MGAT4C: variants seen among roughly 807,000 people sequenced by gnomAD.
MGAT4C encodes the protein alpha-1,3-mannosyl-glycoprotein 4-beta-N-acetylglucosaminyltransferase C.
MGAT4C carries 19 observed loss-of-function variants against 40.1 expected under a neutral mutation model. That is an observed-to-expected ratio of 0.47 (90% confidence interval 0.33 to 0.70). The LOEUF (loss-of-function observed/expected upper bound fraction) is 0.70. Ranked by LOEUF, MGAT4C falls within the 30% of genes least tolerant of loss-of-function variation. The pLI is 0.02. For synonymous variants in MGAT4C, 181 were observed against 187.1 expected (o/e 0.97, Z 0.27); for missense variants, 491 against 563.2 (o/e 0.87, Z 1.30).
intron 3 of MGAT4C, among the ~76,000 whole-genome samples, chr12:86,376,565 C>A (rs570757993): frequency 2.2e-4 from 34 of 151,954 alleles, no homozygotes; most frequent in Non-Finnish European, 3.1e-4. Context: ...ATGGGAGAGG[C>A]TTTATTATTT....
chr12:86,467,704 C>G (rs978025218), intron 2 of MGAT4C, among the ~76,000 whole-genome samples: 4 of 152,032 alleles, frequency 2.6e-5, no homozygotes, highest in African/African-American at 9.7e-5. Flanking sequence ...ATCCTTTTTA[C>G]TCTGTTTAAA....
chr12:86,543,429 A>T (rs975847695), intron 2 of MGAT4C, among the ~76,000 whole-genome samples: 5 of 151,908 alleles, frequency 3.3e-5, no homozygotes, highest in African/African-American at 9.7e-5. Context: ...ATAAAAATTT[A>T]AAAAATTCCT....
intron 1 of MGAT4C, among the ~76,000 whole-genome samples, chr12:86,148,944 CT>C (rs1302072803): frequency 6.6e-6 from 1 of 152,100 alleles, no homozygotes; most frequent in Non-Finnish European, 1.5e-5. Flanking sequence ...CTGTGCCCCC[CT>C]ATTCATTTTA....
At chr12:86,723,869 A>C (rs1441291285) in intron 2 of MGAT4C, among the ~76,000 whole-genome samples, 1 of 152,202 alleles carries the variant, frequency 6.6e-6, no homozygotes, top group Non-Finnish European at 1.5e-5. Context: ...ACTGCCTTAA[A>C]TTTCATTGGT....
chr12:86,451,170 G>C (rs1957420267), intron 2 of MGAT4C, among the ~76,000 whole-genome samples: 2 of 152,066 alleles, frequency 1.3e-5, no homozygotes, highest in Non-Finnish European at 2.9e-5. Context: ...TGTTGGTACT[G>C]TCATCATGAT....
At chr12:86,199,711 C>A (rs955534297) in intron 1 of MGAT4C, among the ~76,000 whole-genome samples, 1 of 151,924 alleles carries the variant, frequency 6.6e-6, no homozygotes, top group East Asian at 1.9e-4. Context: ...ATGTAAAATG[C>A]TTAGTGAAGT....
At position 86,379,033 on chromosome 12, in the gene MGAT4C, T is replaced by C. The variant is rs1285302024; in HGVS notation, c.-119-44906A>G. Among the ~76,000 whole-genome samples the C allele has an allele frequency of 6.6e-5, 10 of 152,244 alleles. No individual in the cohort carries two copies. In the South Asian group the frequency reaches 1.0e-3, roughly 16 times the overall value. On this transcript the variant is annotated intron_variant, in intron 3 of 7. Coordinates refer to the MGAT4C transcript ENST00000548651. Reference sequence around the variant, plus strand: ...TGTATATCTAAACATCATATTGTATTCCATAAATATATACAATAATTATTT... The same window carrying C: ...TGTATATCTAAACATCATATTGTATCCCATAAATATATACAATAATTATTT...
At chr12:86,460,041 A>T (rs1010206745) in intron 2 of MGAT4C, among the ~76,000 whole-genome samples, 6 of 152,024 alleles carry the variant, frequency 3.9e-5, no homozygotes, top group Admixed American at 2.0e-4. Context: ...TTTGTAACGC[A>T]AGTTCTTCAA....
At position 86,210,873 on chromosome 12, in the gene MGAT4C, T is replaced by C. The variant is rs1168016993; in HGVS notation, c.-57+45366A>G. 6.6e-5 allele frequency among the ~76,000 whole-genome samples: 10 copies of C among 152,102 alleles called. 1 individual carries two copies. Among genetic ancestry groups the C allele is most frequent in the African/African-American group, 2.4e-4 (10 of 41,416 alleles). ...ATTTGACAGATAGTTGATAACAGATTTCAGATCTTTGCTAGGCACTGGGGA... is the reference window on the plus strand; with the variant it reads ...ATTTGACAGATAGTTGATAACAGATCTCAGATCTTTGCTAGGCACTGGGGA... On this transcript the variant is annotated intron_variant, in intron 1 of 4. Coordinates refer to ENST00000611864, the MANE Select transcript of MGAT4C (RefSeq NM_001351288.2).
chr12:86,391,425 A>G (rs1270539238), intron 3 of MGAT4C, among the ~76,000 whole-genome samples: 1 of 150,888 alleles, frequency 6.6e-6, no homozygotes, highest in Non-Finnish European at 1.5e-5. Flanking sequence ...ACAAATATAC[A>G]TTTAAATATA....
intron 1 of MGAT4C, among the ~76,000 whole-genome samples, chr12:86,087,872 A>G (rs1336283665): frequency 1.3e-5 from 2 of 152,074 alleles, no homozygotes; most frequent in African/African-American, 4.8e-5. Context: ...AAAAATAGAA[A>G]AAAAAACTAT....
At chr12:86,502,078 C>A (rs868192229) in intron 2 of MGAT4C, among the ~76,000 whole-genome samples, 1 of 151,984 alleles carries the variant, frequency 6.6e-6, no homozygotes, top group African/African-American at 2.4e-5. Context: ...CATAATTCAA[C>A]AAGATGTCCT....
chr12:86,261,352 T>C (rs183999352), upstream of MGAT4C, among the ~76,000 whole-genome samples: 3 of 152,228 alleles, frequency 2.0e-5, no homozygotes, highest in Admixed American at 1.3e-4. Flanking sequence ...TGACTCATAC[T>C]TCAGTTTCAA....
At chr12:86,615,553 T>A (rs1962421901) in intron 2 of MGAT4C, among the ~76,000 whole-genome samples, 1 of 152,074 alleles carries the variant, frequency 6.6e-6, no homozygotes, top group Non-Finnish European at 1.5e-5. Context: ...AACAGTTTGA[T>A]ATGCTTGAGT....
intron 3 of MGAT4C, among the ~76,000 whole-genome samples, chr12:86,408,960 T>C (rs1956546783): frequency 1.3e-5 from 2 of 152,160 alleles, no homozygotes; most frequent in Admixed American, 6.6e-5. Flanking sequence ...AAAAATTTTC[T>C]AGACATTTTC....
intron 2 of MGAT4C, among the ~76,000 whole-genome samples, chr12:86,440,309 C>T (rs1252987915): frequency 2.6e-5 from 4 of 152,012 alleles, no homozygotes; most frequent in Non-Finnish European, 1.5e-5. Context: ...TCCAGGGATA[C>T]AGGGATGATT....
chr12:86,282,653 T>C (rs1953249366), intron 4 of MGAT4C, among the ~76,000 whole-genome samples: 1 of 152,114 alleles, frequency 6.6e-6, no homozygotes, highest in South Asian at 2.1e-4. Context: ...TTGTTCAGTA[T>C]CTAATTAACT....
At chr12:86,125,513 C>T (rs1880084989) in intron 1 of MGAT4C, among the ~76,000 whole-genome samples, 1 of 152,058 alleles carries the variant, frequency 6.6e-6, no homozygotes, top group African/African-American at 2.4e-5. Flanking sequence ...CATCTCAAGA[C>T]ATCAGATGAC....
At chr12:86,617,287 G>C (rs978393364) in intron 2 of MGAT4C, among the ~76,000 whole-genome samples, 1 of 152,128 alleles carries the variant, frequency 6.6e-6, no homozygotes, top group African/African-American at 2.4e-5. Flanking sequence ...TGTCTTCATA[G>C]TAGCTATGTA....
Sources: gnomAD v4.1 joint callset for allele counts (sites outside exome capture counted in the v4.1 genomes callset) on GRCh38, gnomAD v4.1.1 for gene constraint, MANE v1.5 for transcripts, NCBI Gene and HGNC (gene_info 2026-07-23, HGNC 2026-07-21) for gene names.